Variants in GRIK3 observed in about 807,000 individuals in gnomAD.
GRIK3 encodes the protein glutamate ionotropic receptor kainate type subunit 3, also known as glutamate receptor ionotropic, kainate 3.
A neutral mutation model predicts 102.5 loss-of-function variants in GRIK3; 29 were observed. The observed-to-expected ratio is 0.28, with a 90% CI of 0.21 to 0.39. The LOEUF is 0.39. GRIK3 is among the 10% of genes least tolerant of loss of function. The pLI, the probability that GRIK3 is intolerant of heterozygous loss-of-function variation, is 1.00. For synonymous variants in GRIK3, 511 were observed against 504.9 expected (o/e 1.01, Z -0.16); for missense variants, 908 against 1,252.4 (o/e 0.73, Z 4.15).
chr1:36,956,243 G>T (rs74567597), intron 1 of GRIK3, among the ~76,000 whole-genome samples: 2,812 of 152,360 alleles, frequency 0.018, 49 homozygotes, highest in Middle Eastern at 0.085. Context: ...GGCTGAGGGT[G>T]GGAAGCAGGC....
At chr1:36,843,584 G>T (rs897661041) in intron 9 of GRIK3, among the ~76,000 whole-genome samples, 6 of 152,064 alleles carry the variant, frequency 3.9e-5, no homozygotes, top group African/African-American at 1.4e-4. Flanking sequence ...CTGTTCCCTG[G>T]GGTCAGACCT....
At chr1:36,863,903 C>T (rs1229569786) in intron 5 of GRIK3, among the ~76,000 whole-genome samples, 1 of 152,062 alleles carries the variant, frequency 6.6e-6, no homozygotes, top group Non-Finnish European at 1.5e-5. Context: ...CTGAGAAGAG[C>T]CTGGAATGTA....
chr1:37,018,365 G>A (rs371234214), intron 1 of GRIK3, among the ~76,000 whole-genome samples: 4 of 152,176 alleles, frequency 2.6e-5, no homozygotes, highest in East Asian at 1.9e-4. Context: ...CTGCCTTCTC[G>A]GACCATCACT....
In GRIK3 at chr1:36,977,709, G is replaced by A. The variant is rs553570643; in HGVS notation, c.115+56285C>T. On this transcript the variant is annotated intron_variant, in intron 1 of 15. Coordinates refer to ENST00000373091, the MANE Select transcript of GRIK3 (RefSeq NM_000831.4). ...CTGCCCTGCCTTGCTGAAGAGGGTGGGTGAATCCTGACAGATTTGAATGCT... is the reference window on the plus strand; with the variant it reads ...CTGCCCTGCCTTGCTGAAGAGGGTGAGTGAATCCTGACAGATTTGAATGCT... 1.5e-4 allele frequency among the ~76,000 whole-genome samples: 23 copies of A among 152,298 alleles called. 1 individual carries two copies. In the South Asian group the frequency reaches 4.4e-3, roughly 29 times the overall value.
At chr1:37,017,393 AAAG>A (rs1553128525) in intron 1 of GRIK3, among the ~76,000 whole-genome samples, 1 of 150,768 alleles carries the variant, frequency 6.6e-6, no homozygotes, top group South Asian at 2.1e-4. Flanking sequence ...AAAAAAAAAA[AAAG>A]AAGAAGAAAA....
At chr1:36,808,185 T>C (rs1570735900) in intron 13 of GRIK3, among the ~76,000 whole-genome samples, 1 of 152,204 alleles carries the variant, frequency 6.6e-6, no homozygotes, top group African/African-American at 2.4e-5. Flanking sequence ...TCTAGAAAAT[T>C]TCTGATAAGC....
intron 1 of GRIK3, among the ~76,000 whole-genome samples, chr1:36,986,912 G>T (rs936141937): frequency 6.6e-5 from 10 of 152,170 alleles, no homozygotes; most frequent in African/African-American, 2.4e-4. Flanking sequence ...CAAAACTAAT[G>T]CAGTCATTTC....
intron 10 of GRIK3, among the ~76,000 whole-genome samples, chr1:36,835,224 G>A (rs1640361709): frequency 6.6e-6 from 1 of 152,122 alleles, no homozygotes; most frequent in Admixed American, 6.5e-5. Flanking sequence ...CCTCATGCAG[G>A]TCCAATCTGA....
chr1:37,021,116 GTGTGTGTC>G (rs1176215150), intron 1 of GRIK3, among the ~76,000 whole-genome samples: 2 of 142,166 alleles, frequency 1.4e-5, no homozygotes, highest in East Asian at 4.7e-4. Flanking sequence ...GTGTGTGTGT[GTGTGTGTC>G]TGTGAGAGAG....
intron 9 of GRIK3, among the ~76,000 whole-genome samples, chr1:36,845,895 C>G (rs866425673): frequency 1.3e-5 from 2 of 152,204 alleles, no homozygotes; most frequent in Non-Finnish European, 2.9e-5. Flanking sequence ...GTTGGGCTTG[C>G]CTGGCAGGCA....
At chr1:36,934,991 C>T (rs1037973043) in intron 1 of GRIK3, among the ~76,000 whole-genome samples, 1 of 152,190 alleles carries the variant, frequency 6.6e-6, no homozygotes, top group Non-Finnish European at 1.5e-5. Flanking sequence ...AGTAATTTAG[C>T]TCTTTCTTAG....
rs780745927 is a variant in GRIK3 at position 36,869,838 on chromosome 1, C to A, written c.733-37G>T. On this transcript the variant is annotated intron_variant, in intron 4 of 15. Coordinates refer to ENST00000373091, the MANE Select transcript of GRIK3 (RefSeq NM_000831.4). ...CAGAGTGTTAGTGATCAGCAGGGAACCCCTGGGCAGCCCTCCCCACATCCC... is the reference window on the plus strand; with the variant it reads ...CAGAGTGTTAGTGATCAGCAGGGAAACCCTGGGCAGCCCTCCCCACATCCC... 5 of 1,556,648 alleles carry A rather than the reference C, an allele frequency of 3.2e-6. No homozygotes were observed. The South Asian group carries it at 4.4e-5, about 14-fold the overall frequency.
At chr1:36,805,275 T>C (rs1315639240) in intron 14 of GRIK3, 38 bp from the exon 15 acceptor site, 1 of 1,570,900 alleles carries the variant, frequency 6.4e-7, no homozygotes, top group Non-Finnish European at 8.6e-7. Flanking sequence ...ATCAGTGGCG[T>C]GTGGCCCATT....
chr1:36,818,891 A>G (rs1352910243), intron 12 of GRIK3, among the ~76,000 whole-genome samples: 2 of 152,132 alleles, frequency 1.3e-5, no homozygotes, highest in Non-Finnish European at 2.9e-5. Flanking sequence ...TGCACTCCCT[A>G]AGATAAGAGA....
intron 1 of GRIK3, among the ~76,000 whole-genome samples, chr1:36,931,877 T>G (rs1641594599): frequency 6.6e-6 from 1 of 152,214 alleles, no homozygotes; most frequent in African/African-American, 2.4e-5. Context: ...CAGCCTCTGT[T>G]TCTCCAGAGG....
At chr1:36,888,167 A>G (rs1557714755) in intron 2 of GRIK3, among the ~76,000 whole-genome samples, 1 of 152,188 alleles carries the variant, frequency 6.6e-6, no homozygotes, top group Non-Finnish European at 1.5e-5. Flanking sequence ...AGTGAAATGG[A>G]TTTGTTTAAA....
At chr1:36,837,280 C>T (rs1020243677) in intron 10 of GRIK3, among the ~76,000 whole-genome samples, 6 of 152,338 alleles carry the variant, frequency 3.9e-5, no homozygotes, top group Non-Finnish European at 7.3e-5. Flanking sequence ...CCAATCCCAA[C>T]ACATCCCAAA....
chr1:36,885,406 G>A (rs1204796371), intron 2 of GRIK3, among the ~76,000 whole-genome samples: 3 of 152,098 alleles, frequency 2.0e-5, no homozygotes, highest in Non-Finnish European at 4.4e-5. Context: ...TAGTGTTGGT[G>A]GTGCTGATAT....
At chr1:36,821,415 C>T (rs993687651) in intron 11 of GRIK3, among the ~76,000 whole-genome samples, 4 of 152,192 alleles carry the variant, frequency 2.6e-5, no homozygotes, top group African/African-American at 9.7e-5. Flanking sequence ...TCTACCACAT[C>T]TAGGGAGAGG....
Sources: allele counts gnomAD v4.1 joint callset (sites outside exome capture counted in the v4.1 genomes callset), GRCh38; gene constraint gnomAD v4.1.1; transcripts MANE v1.5; gene names NCBI Gene and HGNC (gene_info 2026-07-23, HGNC 2026-07-21).